BAZ1A: variants seen among roughly 807,000 people sequenced by gnomAD.
BAZ1A encodes the protein bromodomain adjacent to zinc finger domain 1A, also known as bromodomain adjacent to zinc finger domain protein 1A.
BAZ1A carries 50 observed loss-of-function variants against 185.2 expected under a neutral mutation model. The ratio of observed to expected loss-of-function variants is 0.27; its 90% confidence interval spans 0.22 to 0.34. The LOEUF is 0.34. Among genes scored for constraint, BAZ1A ranks in the 10% least tolerant of loss-of-function variants. BAZ1A has a pLI of 1.00. For missense variants in BAZ1A, 1,356 were observed against 1,839.9 expected (o/e 0.74, Z 4.81); for synonymous variants, 571 against 615.6 (o/e 0.93, Z 1.07).
chr14:34,831,753 C>T (rs575826108), intron 3 of BAZ1A, among the ~76,000 whole-genome samples: 3 of 152,208 alleles, frequency 2.0e-5, no homozygotes, highest in African/African-American at 7.2e-5. Context: ...CTAAGATTTA[C>T]ATAAGTTCAA....
chr14:34,775,807 A>G, intron 18 of BAZ1A, 112 bp downstream of exon 18: 2 of 779,370 alleles, frequency 2.6e-6, no homozygotes, highest in Non-Finnish European at 4.1e-6. Context: ...CCTAAATCAA[A>G]GATAAGGTGT....
chr14:34,806,959 GGCTGGTCTCC>G, intron 6 of BAZ1A, among the ~76,000 whole-genome samples: 1 of 150,744 alleles, frequency 6.6e-6, no homozygotes, highest in African/African-American at 2.4e-5. Flanking sequence ...ATGTTTCCCA[GGCTGGTCTCC>G]AGGCTGGTCT....
At chr14:34,777,833 A>G (rs1879750668) in intron 17 of BAZ1A, among the ~76,000 whole-genome samples, 1 of 151,898 alleles carries the variant, frequency 6.6e-6, no homozygotes, top group Non-Finnish European at 1.5e-5. Flanking sequence ...ATTACTAAAA[A>G]TACAAAAATC....
intron 3 of BAZ1A, among the ~76,000 whole-genome samples, chr14:34,830,769 CTTTT>C (rs1296749026): frequency 7.8e-6 from 1 of 128,420 alleles, no homozygotes; most frequent in Non-Finnish European, 1.7e-5. Flanking sequence ...TCTACAACTC[CTTTT>C]TTTTTTTTTT....
At chr14:34,768,123 G>C (rs1272112092) in intron 21 of BAZ1A, among the ~76,000 whole-genome samples, 1 of 152,006 alleles carries the variant, frequency 6.6e-6, no homozygotes, top group Non-Finnish European at 1.5e-5. Flanking sequence ...AAAATGTCTT[G>C]TTTATCTTTT....
intron 21 of BAZ1A, among the ~76,000 whole-genome samples, chr14:34,766,534 AC>A (rs539623589): frequency 2.1e-3 from 326 of 152,170 alleles, no homozygotes; most frequent in African/African-American, 7.7e-3. Flanking sequence ...CCAGAAAGCT[AC>A]CCCTTCAAGT....
chr14:34,857,307 CTCT>C (rs1594907883), intron 3 of BAZ1A, among the ~76,000 whole-genome samples: 1 of 152,060 alleles, frequency 6.6e-6, no homozygotes, highest in African/African-American at 2.4e-5. Flanking sequence ...CGCACCCAGT[CTCT>C]TCTTCATTTT....
Position 34,802,707 on chromosome 14 carries a change from C to T in BAZ1A, c.861+147G>A. On this transcript the variant is annotated intron_variant, in intron 7 of 26. Transcript: ENST00000360310. ...AGCCTCATTGCTGAGCAGTTATCAA[C>T]ATATAGTACACACTTACATACTTTT... The T allele has an allele frequency of 5.1e-6, 4 of 787,306 alleles. No individual in the cohort carries two copies. In the South Asian group the frequency reaches 5.8e-5, roughly 11 times the overall value. The allele number at this position is 787,306 out of a possible 1,614,324, so 48.8% of individuals were successfully genotyped here.
intron 20 of BAZ1A, among the ~76,000 whole-genome samples, chr14:34,772,505 C>A (rs905208327): frequency 6.6e-6 from 1 of 152,078 alleles, no homozygotes; most frequent in Non-Finnish European, 1.5e-5. Flanking sequence ...TCCACTGTTC[C>A]CTTCTAGATG....
At chr14:34,759,657 T>C (rs1886439068) in intron 24 of BAZ1A, among the ~76,000 whole-genome samples, 1 of 132,522 alleles carries the variant, frequency 7.5e-6, no homozygotes, top group South Asian at 2.7e-4. Flanking sequence ...AGATTATTCT[T>C]ACAGATCTTA....
At position 34,874,730 on chromosome 14, in the gene BAZ1A, C is replaced by T. The variant is rs1019971667; in HGVS notation, c.-58-68G>A. ...CCCTCGGCGGCAGCGTGGGCCGGTC[C>T]GCGCGCTGGGAGAAGCTCGGCTGCC... is the stretch of plus-strand genomic sequence containing the variant. On this transcript the variant is annotated intron_variant, in intron 1 of 26. Transcript: ENST00000360310. The surrounding 1 kb of genome is among the most constrained non-coding windows in gnomAD (Gnocchi z 4.7). 4.3e-6 allele frequency: 3 copies of T among 699,482 alleles called. No individual in the cohort carries two copies. The highest frequency in any genetic ancestry group is 6.8e-6 in the Non-Finnish European group (3 of 442,880). 43.3% of individuals were successfully genotyped at this position (699,482 alleles called of 1,614,324 possible). A position where few individuals can be genotyped will look rare whatever the true frequency, so the allele number is the denominator to read the frequency against.
rs34861206 is a variant in BAZ1A at position 34,764,289 on chromosome 14, C to CTTT, written c.3776+415_3776+417dup. ...TATACGTTAGTTTCTTTTTTCTTTT[C>CTTT]TTTTTTTTTTTTTTTTTTTGAGATG... On this transcript the variant is annotated intron_variant, in intron 23 of 26. Coordinates refer to ENST00000360310, the MANE Select transcript of BAZ1A (RefSeq NM_013448.3). 1.1e-3 allele frequency among the ~76,000 whole-genome samples: 118 copies of CTTT among 111,852 alleles called. 2 individuals are homozygous for CTTT. The highest frequency in any genetic ancestry group is 3.5e-3 in the African/African-American group (100 of 28,690). 73.4% of individuals were successfully genotyped at this position (111,852 alleles called of 152,430 possible). A position where few individuals can be genotyped will look rare whatever the true frequency, so the allele number is the denominator to read the frequency against.
rs755969685 is a variant in BAZ1A at position 34,780,279 on chromosome 14, T to C, written c.2143A>G (p.Ile715Val). Residue 715 changes from isoleucine (I) to valine (V), a missense_variant, in exon 17 of 27, where the codon ATT becomes GTT. Around this residue, in one of 7 missense-constraint regions of BAZ1A, gnomAD observed 434 missense variants for 561.7 expected, o/e 0.77. Transcript: ENST00000360310. ...EEEREDFDTSIESKDTEQKEL... is the reference protein window; with the variant it reads ...EEEREDFDTSVESKDTEQKEL... ...TTTTGCTCTGTGTCTTTGCTCTCAA[T>C]GCTAGTATCAAAATCTTCCCTTTCT... 10 of 1,612,764 alleles carry C rather than the reference T, an allele frequency of 6.2e-6. No individual in the cohort carries two copies. Among genetic ancestry groups the C allele is most frequent in the Non-Finnish European group, 7.6e-6 (9 of 1,179,580 alleles).
chr14:34,798,344 G>A (rs908648018), intron 9 of BAZ1A, among the ~76,000 whole-genome samples: 3 of 152,226 alleles, frequency 2.0e-5, no homozygotes, highest in African/African-American at 7.2e-5. Flanking sequence ...CATGGTTTTT[G>A]AACTCTGAGA....
intron 24 of BAZ1A, among the ~76,000 whole-genome samples, chr14:34,759,182 T>TGTTTTGTTTTTTTTTG (rs1379077587): frequency 1.7e-5 from 2 of 119,062 alleles, no homozygotes; most frequent in East Asian, 4.7e-4. Flanking sequence ...TTTTTTTTTT[T>TGTTTTGTTTTTTTTTG]TTTTTTTTTT....
intron 22 of BAZ1A, 27 bp from the exon 23 acceptor site, chr14:34,764,960 AATC>A: frequency 1.2e-6 from 2 of 1,613,494 alleles, no homozygotes; most frequent in Non-Finnish European, 1.7e-6. Flanking sequence ...AATGATCATT[AATC>A]ATCTATTGCT....
intron 2 of BAZ1A, among the ~76,000 whole-genome samples, chr14:34,873,599 G>GTCTGA (rs761090285): frequency 1.3e-5 from 2 of 149,140 alleles, no homozygotes; most frequent in Non-Finnish European, 1.5e-5. Flanking sequence ...GCTGAGTCTG[G>GTCTGA]AGTTGAACTT....
At chr14:34,756,666 A>T (rs1886264906) in intron 25 of BAZ1A, among the ~76,000 whole-genome samples, 1 of 151,330 alleles carries the variant, frequency 6.6e-6, no homozygotes, top group African/African-American at 2.4e-5. Context: ...GGGTTTTGTC[A>T]TGTTGGCAAG....
At chr14:34,868,525 C>T (rs1164212410) in intron 2 of BAZ1A, among the ~76,000 whole-genome samples, 2 of 152,062 alleles carry the variant, frequency 1.3e-5, no homozygotes, top group Non-Finnish European at 1.5e-5. Flanking sequence ...GAAACTAGGC[C>T]GGGTGCCGTG....
Sources: allele counts gnomAD v4.1 joint callset (sites outside exome capture counted in the v4.1 genomes callset), GRCh38; gene constraint gnomAD v4.1.1; regional missense constraint gnomAD v4.1.1; non-coding constraint Gnocchi (gnomAD v3.1); transcripts MANE v1.5; gene names NCBI Gene and HGNC (gene_info 2026-07-23, HGNC 2026-07-21).